The following SPTB variants were observed in gnomAD, a reference collection of about 807,000 sequenced individuals.
SPTB encodes the protein spectrin beta chain, erythrocytic.
Under a neutral mutation model 256.2 loss-of-function variants are expected in SPTB, and 45 were observed. That is an observed-to-expected ratio of 0.18 (90% CI 0.14 to 0.23). The LOEUF (loss-of-function observed/expected upper bound fraction) is 0.23. SPTB is among the 10% of genes least tolerant of loss of function. SPTB has a pLI of 1.00. For missense variants in SPTB, 2,715 were observed against 3,040.4 expected (o/e 0.89, Z 2.52); for synonymous variants, 1,231 against 1,243.1 (o/e 0.99, Z 0.21).
intron 7 of SPTB, 92 bp downstream of exon 7, chr14:64,801,193 C>G (rs924874060): frequency 8.8e-7 from 1 of 1,133,196 alleles, no homozygotes; most frequent in African/African-American, 1.5e-5. Flanking sequence ...CCTGGGCCGG[C>G]CTCCAGAAGT....
At position 64,795,151 on chromosome 14, in the gene SPTB, G is replaced by A. The variant is rs1159379849; in HGVS notation, c.1644+186C>T. Among the ~76,000 whole-genome samples the A allele has an allele frequency of 6.6e-6, 1 of 152,246 alleles. No homozygotes were observed. The highest frequency in any genetic ancestry group is 2.4e-5 in the African/African-American group (1 of 41,472). On this transcript the variant is annotated intron_variant, in intron 12 of 35. Transcript: ENST00000644917. This position sits in a 1 kb window ranked among gnomAD's most constrained non-coding sequence, Gnocchi z 6.5. ...TGGACCTGGGCTGGTATCACCTGCT[G>A]GAGCAGAGTGGACCAAGAGGCAGAG...
chr14:64,750,859 CAT>C (rs1039207573), intron 33 of SPTB, among the ~76,000 whole-genome samples: 10 of 144,632 alleles, frequency 6.9e-5, no homozygotes, highest in Non-Finnish European at 1.5e-4. Flanking sequence ...TATTATATAA[CAT>C]ATATACCTAT....
At chr14:64,829,525 T>A (rs918757051) in intron 1 of SPTB, among the ~76,000 whole-genome samples, 11 of 152,212 alleles carry the variant, frequency 7.2e-5, no homozygotes, top group African/African-American at 2.7e-4. Flanking sequence ...CATGGCATTA[T>A]GGTTATGTAA....
chr14:64,767,306 G>A lies in SPTB; in HGVS notation c.6266C>T (p.Thr2089Ile). ...TGGACACACGGCCACCACTCACCCA[G>A]TCTCCTCTGCGGGTCTCTCTGCAAT... is the stretch of plus-strand genomic sequence containing the variant. ...RQIAERPAEE[T>I]GPQEEEGETA... Residue 2089 changes from threonine to isoleucine, a missense_variant, in exon 31 of 36, where the codon ACT becomes ATT. Transcript: ENST00000644917. 1 of 1,614,020 alleles carries A rather than the reference G, an allele frequency of 6.2e-7. No individual in the cohort carries two copies. The highest frequency in any genetic ancestry group is 8.5e-7 in the Non-Finnish European group (1 of 1,180,020).
At position 64,763,785 on chromosome 14, in the gene SPTB, GA is replaced by G. The variant is rs755458154; in HGVS notation, c.6345+2940del. The G allele has an allele frequency of 1.1e-4, 55 of 518,912 alleles. 1 individual carries two copies. The highest frequency in any genetic ancestry group is 1.0e-3 in the Admixed American group (54 of 51,588). The allele number at this position is 518,912 out of a possible 1,614,324, so 32.1% of individuals were successfully genotyped here. On this transcript the variant is annotated intron_variant, in intron 32 of 35. Transcript: ENST00000644917. ...TGTATGAACGGATTGGCCTTTACCA[GA>G]ACGTGCTCTAATGTAAAAAGGCAAG...
rs1484815910 is a variant in SPTB at position 64,777,402 on chromosome 14, A to C, written c.4563+1755T>G. Reference sequence around the variant, plus strand: ...CAGATGCAGCTAGGGGCCTACCCCCAGAGATCCTAATTGATCTGAGGTGAG... The same window carrying C: ...CAGATGCAGCTAGGGGCCTACCCCCCGAGATCCTAATTGATCTGAGGTGAG... On this transcript the variant is annotated intron_variant, in intron 22 of 35. Transcript: ENST00000644917. The surrounding 1 kb of genome is among the most constrained non-coding windows in gnomAD (Gnocchi z 4.5). Among the ~76,000 whole-genome samples the C allele has an allele frequency of 6.6e-6, 1 of 152,234 alleles. No individual in the cohort carries two copies. The highest frequency in any genetic ancestry group is 2.4e-5 in the African/African-American group (1 of 41,464).
intron 1 of SPTB, among the ~76,000 whole-genome samples, chr14:64,828,575 T>C (rs2083407387): frequency 1.3e-5 from 2 of 152,238 alleles, no homozygotes; most frequent in South Asian, 4.1e-4. Flanking sequence ...ACAATTACTT[T>C]TGTAGCAACC....
At position 64,764,587 on chromosome 14, in the gene SPTB, G is replaced by A. The variant is rs1044489031; in HGVS notation, c.6345+2139C>T. 2.0e-5 allele frequency among the ~76,000 whole-genome samples: 3 copies of A among 152,368 alleles called. No individual in the cohort carries two copies. The highest frequency in any genetic ancestry group is 4.8e-5 in the African/African-American group (2 of 41,586). On this transcript the variant is annotated intron_variant, in intron 32 of 35. Coordinates refer to ENST00000644917, the MANE Select transcript of SPTB (RefSeq NM_001355436.2). This position sits in a 1 kb window ranked among gnomAD's most constrained non-coding sequence, Gnocchi z 4.2. ...TTCCCCCCAACCCAGTGACATTCAG[G>A]TGTTGGCTGGAGGCGGCTCTGATGC... is the stretch of plus-strand genomic sequence containing the variant.
chr14:64,774,556 A>C, intron 23 of SPTB, 29 bp from the exon 24 acceptor site: 1 of 1,551,686 alleles, frequency 6.4e-7, no homozygotes, highest in East Asian at 2.4e-5. Context: ...TCAGCGCCAG[A>C]GCTCAGTCTG....
chr14:64,814,607 C>G (rs1035084157), intron 2 of SPTB, among the ~76,000 whole-genome samples: 1 of 152,168 alleles, frequency 6.6e-6, no homozygotes, highest in East Asian at 1.9e-4. Flanking sequence ...CCTTTGCCTC[C>G]TGGGTTCAAG....
Position 64,802,032 on chromosome 14 carries a change from C to T in SPTB, c.566+194G>A, listed in dbSNP as rs2082897141. 6.6e-6 allele frequency among the ~76,000 whole-genome samples: 1 copy of T among 152,218 alleles called. No homozygotes were observed. Among genetic ancestry groups the T allele is most frequent in the South Asian group, 2.1e-4 (1 of 4,828 alleles). ...AACACCACACAGACCCCCCAGTCTG[C>T]CTGCAGGCAACTTTGGAAAAGAATC... On this transcript the variant is annotated intron_variant, in intron 5 of 35. Coordinates refer to ENST00000644917, the MANE Select transcript of SPTB (RefSeq NM_001355436.2). This position sits in a 1 kb window ranked among gnomAD's most constrained non-coding sequence, Gnocchi z 5.1.
chr14:64,856,426 G>T (rs1486743111), intron 1 of SPTB, among the ~76,000 whole-genome samples: 1 of 152,202 alleles, frequency 6.6e-6, no homozygotes, highest in Non-Finnish European at 1.5e-5. Context: ...CAGCTGAGCT[G>T]CCCCTGAGCC....
rs2082721916 is a variant in SPTB, at chr14:64,793,906, G to A, written c.1796-39C>T. On this transcript the variant is annotated intron_variant, in intron 13 of 35. Coordinates refer to ENST00000644917, the MANE Select transcript of SPTB (RefSeq NM_001355436.2). This position sits in a 1 kb window ranked among gnomAD's most constrained non-coding sequence, Gnocchi z 7.0. ...GGGGAAGGAGGACAAAGTGGGGGAT[G>A]GGCTTCATTTATGGGCACGCTTCAG... 6.4e-7 allele frequency: 1 copy of A among 1,573,508 alleles called. No individual in the cohort carries two copies. Among genetic ancestry groups the A allele is most frequent in the African/African-American group, 1.4e-5 (1 of 74,024 alleles).
chr14:64,841,757 T>TATATATATATA lies in SPTB; in HGVS notation c.-51-18613_-51-18612insTATATATATAT, dbSNP rs200217417. Among the ~76,000 whole-genome samples the TATATATATATA allele has an allele frequency of 4.0e-5, 6 of 151,218 alleles. No homozygotes were observed. The highest frequency in any genetic ancestry group is 1.5e-4 in the African/African-American group (6 of 40,808). On this transcript the variant is annotated intron_variant, in intron 1 of 35. Transcript: ENST00000644917. The surrounding 1 kb of genome is among the most constrained non-coding windows in gnomAD (Gnocchi z 4.6). ...TGACATCCCATATATATATATATATTTTTTAAGGGTCTTTCTTTAACACAG... is the reference window on the plus strand; with the variant it reads ...TGACATCCCATATATATATATATATTATATATATATATTTTAAGGGTCTTTCTTTAACACAG...
Position 64,779,118 on chromosome 14 carries a change from G to A in SPTB, c.4563+39C>T, listed in dbSNP as rs373055533. ...CCCCGTGGGGCCAGGTGGGGGTGAG[G>A]AGGGGTGGGTGGGGCTGGTGAGGTG... On this transcript the variant is annotated intron_variant, in intron 22 of 35. Transcript: ENST00000644917. The surrounding 1 kb of genome is among the most constrained non-coding windows in gnomAD (Gnocchi z 4.2). The A allele has an allele frequency of 7.2e-5, 112 of 1,565,424 alleles. No individual in the cohort carries two copies. The African/African-American group carries it at 1.4e-3, about 19-fold the overall frequency.
In SPTB at chr14:64,751,927, C is replaced by CAAAAAAAAAAAAAAAAAAAAAAAA. The variant is rs374561563; in HGVS notation, c.6602+1609_6602+1610insTTTTTTTTTTTTTTTTTTTTTTTT. On this transcript the variant is annotated intron_variant, in intron 33 of 35. Coordinates refer to ENST00000644917, the MANE Select transcript of SPTB (RefSeq NM_001355436.2). ...TGAAACCCCATTTCTACTAAAAATG[C>CAAAAAAAAAAAAAAAAAAAAAAAA]AAAAAAAAAAAAAAAAATTAGCCAG... Among the ~76,000 whole-genome samples the CAAAAAAAAAAAAAAAAAAAAAAAA allele has an allele frequency of 2.4e-4, 17 of 71,940 alleles. 1 individual carries two copies. Among genetic ancestry groups the CAAAAAAAAAAAAAAAAAAAAAAAA allele is most frequent in the Non-Finnish European group, 3.5e-4 (12 of 34,202 alleles). The allele number at this position is 71,940 out of a possible 152,430, so 47.2% of individuals were successfully genotyped here.
rs1280386314 is a variant in SPTB at position 64,767,875 on chromosome 14, G to A, written c.6023-16C>T. On this transcript the variant is annotated splice_polypyrimidine_tract_variant and intron_variant, in intron 29 of 35. Transcript: ENST00000644917. Reference sequence around the variant, plus strand: ...ACCTCCAGCACTGCCAGGGGGAACAGGACACAGACCCCCCACAAGGCCCAG... The same window carrying A: ...ACCTCCAGCACTGCCAGGGGGAACAAGACACAGACCCCCCACAAGGCCCAG... 1 of 1,613,004 alleles carries A rather than the reference G, an allele frequency of 6.2e-7. No individual in the cohort carries two copies. Among genetic ancestry groups the A allele is most frequent in the Non-Finnish European group, 8.5e-7 (1 of 1,179,672 alleles).
intron 1 of SPTB, among the ~76,000 whole-genome samples, chr14:64,870,118 G>T (rs1433567707): frequency 6.6e-6 from 1 of 152,070 alleles, no homozygotes; most frequent in African/African-American, 2.4e-5. Context: ...TGTAAGAAAG[G>T]AGTGAAAAGG....
At chr14:64,768,100 G>T in intron 29 of SPTB, 1 of 580,014 alleles carries the variant, frequency 1.7e-6, no homozygotes, top group South Asian at 1.9e-5. Flanking sequence ...GGAGTGCAGT[G>T]ATGTGATTAT....
Sources: allele counts gnomAD v4.1 joint callset (sites outside exome capture counted in the v4.1 genomes callset), GRCh38; gene constraint gnomAD v4.1.1; non-coding constraint Gnocchi (gnomAD v3.1); transcripts MANE v1.5; gene names NCBI Gene and HGNC (gene_info 2026-07-23, HGNC 2026-07-21).